Variants in ZNF587 observed in about 807,000 individuals in gnomAD.
The protein encoded by ZNF587 is zinc finger protein 587, also known as zinc finger protein zfp6.
In ZNF587, 8 loss-of-function variants were observed where a neutral mutation model predicts 7.5. The ratio of observed to expected loss-of-function variants is 1.06; its 90% CI spans 0.62 to 1.92. The LOEUF is 1.92. Ranked by LOEUF, ZNF587 falls within the 40% of genes most tolerant of loss-of-function variation. The pLI, the probability that ZNF587 is intolerant of heterozygous loss-of-function variation, is 0.00. For missense variants in ZNF587, 468 were observed against 692.8 expected, an observed-to-expected ratio of 0.68 and a Z score of 3.64; for synonymous variants, 145 against 237.8, an observed-to-expected ratio of 0.61 and a Z score of 3.59.
rs1352818906 is a variant in ZNF587 at position 57,863,982 on chromosome 19, G to A, written c.*3842G>A. On this transcript the variant is annotated 3_prime_UTR_variant, in exon 3 of 3. Transcript: ENST00000339656. ...CGGTTGAACCTGGGAGGTGGAAGGT[G>A]CACTGAGCCAATATCACACCAGTGC... 2.7e-5 allele frequency: 4 copies of A among 146,810 alleles called. No homozygotes were observed. In the Admixed American group the frequency reaches 2.8e-4, roughly 10 times the overall value. The allele number at this position is 146,810 out of a possible 1,614,324, so 9.1% of individuals were successfully genotyped here.
rs779460394 is a variant in ZNF587, at chr19:57,860,285, T to C, written c.*145T>C. The C allele has an allele frequency of 2.0e-6, 3 of 1,483,532 alleles. 1 individual carries two copies. Among genetic ancestry groups the C allele is most frequent in the Middle Eastern group, 3.6e-4 (2 of 5,626 alleles). The allele number at this position is 1,483,532 out of a possible 1,614,324, so 91.9% of individuals were successfully genotyped here. A position where few individuals can be genotyped will look rare whatever the true frequency, so the allele number is the denominator to read the frequency against. ...GTCCTCGGTCTTAAGCGACTTCGTG[T>C]TGAGATGGAGTCTTGTTCTGTCACC... On this transcript the variant is annotated 3_prime_UTR_variant, in exon 3 of 3. Transcript: ENST00000339656.
Position 57,856,028 on chromosome 19 carries a change from G to A in ZNF587, c.34-76G>A, listed in dbSNP as rs112630321. ...GGACCTTGGGAGGAGGATGGGCAAGGGTGGGTGTGTGGGAGAGGTGGGTTG... is the reference window on the plus strand; with the variant it reads ...GGACCTTGGGAGGAGGATGGGCAAGAGTGGGTGTGTGGGAGAGGTGGGTTG... On this transcript the variant is annotated intron_variant, in intron 1 of 2. Transcript: ENST00000339656. 984 of 1,591,950 alleles carry A rather than the reference G, an allele frequency of 6.2e-4. 4 individuals carry two copies. In the East Asian group the frequency reaches 0.012, roughly 19 times the overall value.
In ZNF587 at chr19:57,864,999, A is replaced by C. The variant is rs762167674; in HGVS notation, c.*4859A>C. ...ATAAGCAAAAGTTTCAGTACTAAGC[A>C]ATTTTAGTCTCTGCAGTCTCTTGTC... On this transcript the variant is annotated 3_prime_UTR_variant, in exon 3 of 3. Transcript: ENST00000339656. 6.6e-6 allele frequency: 1 copy of C among 152,250 alleles called. No individual in the cohort carries two copies. The highest frequency in any genetic ancestry group is 1.5e-5 in the Non-Finnish European group (1 of 68,052). The allele number at this position is 152,250 out of a possible 1,614,324, so 9.4% of individuals were successfully genotyped here. A position where few individuals can be genotyped will look rare whatever the true frequency, so the allele number is the denominator to read the frequency against.
rs1234951776 is a variant in ZNF587, at chr19:57,859,779, G to C, written c.1367G>C (p.Arg456Thr). The change falls in exon 3 of 3, where the codon AGA becomes ACA. Residue 456 changes from arginine to threonine, a missense_variant. Transcript: ENST00000339656. ...NRKYHLLVHE[R>T]VHTGERPYAC... ...AAGTATCATCTTCTGGTTCATGAGA[G>C]AGTTCACACTGGAGAAAGGCCATAT... 2 of 1,613,970 alleles carry C rather than the reference G, an allele frequency of 1.2e-6. No homozygotes were observed. Among genetic ancestry groups the C allele is most frequent in the Non-Finnish European group, 1.7e-6 (2 of 1,179,976 alleles).
rs1555775619 is a variant in ZNF587, at chr19:57,861,768, G to GTTTTTTTTTTTTTTTTTTTTTT, written c.*1632_*1633insTTTTTTTTTTTTTTTTTTTTTT. On this transcript the variant is annotated 3_prime_UTR_variant, in exon 3 of 3. Coordinates refer to ENST00000339656, the MANE Select transcript of ZNF587 (RefSeq NM_032828.4). ...GTCACTTTGCTGCAAGGAATATTTG[G>GTTTTTTTTTTTTTTTTTTTTTT]TTTTCTTTTTTTTTTTTTTTTCCAG... 3.3e-5 allele frequency: 3 copies of GTTTTTTTTTTTTTTTTTTTTTT among 90,764 alleles called. No individual in the cohort carries two copies. Among genetic ancestry groups the GTTTTTTTTTTTTTTTTTTTTTT allele is most frequent in the African/African-American group, 1.4e-4 (3 of 20,914 alleles). The allele number at this position is 90,764 out of a possible 1,614,324, so 5.6% of individuals were successfully genotyped here.
chr19:57,857,713 T>C (rs1221930494), intron 2 of ZNF587, among the ~76,000 whole-genome samples: 1 of 151,830 alleles, frequency 6.6e-6, no homozygotes, highest in Non-Finnish European at 1.5e-5. Flanking sequence ...CGGCTCAGTG[T>C]AACCTCTGCC....
At chr19:57,852,215 A>G (rs1310256743) in intron 1 of ZNF587, 4 of 336,086 alleles carry the variant, frequency 1.2e-5, no homozygotes, top group Admixed American at 6.3e-5. Flanking sequence ...ATGACAGGTT[A>G]TATGGAGGTA....
At position 57,859,904 on chromosome 19, in the gene ZNF587, G is replaced by A. The variant is rs1280895103; in HGVS notation, c.1492G>A (p.Gly498Arg). 6.2e-7 allele frequency: 1 copy of A among 1,614,026 alleles called. No homozygotes were observed. Among genetic ancestry groups the A allele is most frequent in the Non-Finnish European group, 8.5e-7 (1 of 1,180,018 alleles). The change falls in exon 3 of 3, where the codon GGG becomes AGG. Residue 498 changes from glycine to arginine, a missense_variant. This residue lies in a region of ZNF587 where 310 missense variants were observed against 325.6 expected (regional missense o/e 0.95). Coordinates refer to ENST00000339656, the MANE Select transcript of ZNF587 (RefSeq NM_032828.4). ...GERPYECSEC[G>R]KSFLSSSALH... ...AAGGCCGTATGAATGCAGTGAATGT[G>A]GGAAATCATTTCTTTCCAGCTCTGC...
chr19:57,850,158 C>G, intron 1 of ZNF587, 87 bp downstream of exon 1: 1 of 1,611,810 alleles, frequency 6.2e-7, no homozygotes, highest in Non-Finnish European at 8.5e-7. Context: ...GCTCGTGGGT[C>G]TGTAGCCGGT....
At position 57,864,162 on chromosome 19, in the gene ZNF587, C is replaced by G. The variant is rs1364636882; in HGVS notation, c.*4022C>G. On this transcript the variant is annotated 3_prime_UTR_variant, in exon 3 of 3. Coordinates refer to ENST00000339656, the MANE Select transcript of ZNF587 (RefSeq NM_032828.4). ...TTTTTTTTTTTTTTTGAGACAGAGTCTCACTCTGTCACCCAGGCTGAAGTG... is the reference window on the plus strand; with the variant it reads ...TTTTTTTTTTTTTTTGAGACAGAGTGTCACTCTGTCACCCAGGCTGAAGTG... 2.6e-5 allele frequency: 3 copies of G among 117,618 alleles called. No homozygotes were observed. The highest frequency in any genetic ancestry group is 5.8e-4 in the South Asian group (2 of 3,444). 7.3% of individuals were successfully genotyped at this position (117,618 alleles called of 1,614,324 possible).
At chr19:57,851,072 A>G (rs1435805426) in intron 1 of ZNF587, 1 of 152,216 alleles carries the variant, frequency 6.6e-6, no homozygotes, top group Non-Finnish European at 1.5e-5. Context: ...CATGAAGGCA[A>G]TAAGGAGACT....
At chr19:57,852,376 C>T in intron 1 of ZNF587, 1 of 398,624 alleles carries the variant, frequency 2.5e-6, no homozygotes, top group Non-Finnish European at 4.4e-6. Flanking sequence ...CTGGCTGGAC[C>T]TTGTTGCATA....
chr19:57,853,231 AG>A (rs1402270358), intron 1 of ZNF587, among the ~76,000 whole-genome samples: 1 of 152,230 alleles, frequency 6.6e-6, no homozygotes, highest in Non-Finnish European at 1.5e-5. Flanking sequence ...TGATCTTAGC[AG>A]CTGTAACCAT....
At chr19:57,855,419 G>A (rs777062481) in intron 1 of ZNF587, among the ~76,000 whole-genome samples, 1 of 152,108 alleles carries the variant, frequency 6.6e-6, no homozygotes, top group Non-Finnish European at 1.5e-5. Flanking sequence ...AAACTCTGGT[G>A]GGGGTGGCCA....
rs2071401580 is a variant in ZNF587, at chr19:57,858,993, A to G, written c.581A>G (p.Lys194Arg). The G allele has an allele frequency of 6.2e-7, 1 of 1,612,676 alleles. No individual in the cohort carries two copies. Among genetic ancestry groups the G allele is most frequent in the Non-Finnish European group, 8.5e-7 (1 of 1,179,620 alleles). The change falls in exon 3 of 3, where the codon AAG (lysine) becomes AGG (arginine). Residue 194 changes from lysine (K) to arginine (R), a missense_variant. Transcript: ENST00000339656. ...GLCQEEAAVE[K>R]TDSETMHGPP... ...TGCCAAGAAGAAGCTGCTGTAGAGAAGACAGACAGTGAAACTATGCATGGC... is the reference window on the plus strand; with the variant it reads ...TGCCAAGAAGAAGCTGCTGTAGAGAGGACAGACAGTGAAACTATGCATGGC...
rs774913102 is a variant in ZNF587, at chr19:57,856,131, G to A, written c.61G>A (p.Ala21Thr). Reference sequence around the variant, plus strand: ...GGGCACTGTGACCTTTGAAGATGTGGCTGTGAACTTTTCCCAGGAGGAGTG... The same window carrying A: ...GGGCACTGTGACCTTTGAAGATGTGACTGTGAACTTTTCCCAGGAGGAGTG... ...QQGTVTFEDVAVNFSQEEWCL... is the reference protein window; with the variant it reads ...QQGTVTFEDVTVNFSQEEWCL... Residue 21 changes from alanine to threonine, a missense_variant, in exon 2 of 3, where the codon GCT (alanine) becomes ACT (threonine). This residue lies in a region of ZNF587 where 92 missense variants were observed against 89.7 expected (regional missense o/e 1.03). Transcript: ENST00000339656. 8 of 1,613,098 alleles carry A rather than the reference G, an allele frequency of 5.0e-6. No homozygotes were observed. Among genetic ancestry groups the A allele is most frequent in the Non-Finnish European group, 6.8e-6 (8 of 1,179,700 alleles).
At chr19:57,857,319 ATT>A (rs1413981696) in intron 2 of ZNF587, 2 of 151,984 alleles carry the variant, frequency 1.3e-5, no homozygotes, top group South Asian at 4.1e-4. Context: ...GGCACACACT[ATT>A]TGTCTTTTTC....
Position 57,860,202 on chromosome 19 carries a change from C to G in ZNF587, c.*62C>G. On this transcript the variant is annotated 3_prime_UTR_variant, in exon 3 of 3. Transcript: ENST00000339656. ...CCGTCTCGTTAAACACAGGAGAGTTCATACTGGAGAAAGGCCTTATGAGTG... is the reference window on the plus strand; with the variant it reads ...CCGTCTCGTTAAACACAGGAGAGTTGATACTGGAGAAAGGCCTTATGAGTG... 6.2e-7 allele frequency: 1 copy of G among 1,613,138 alleles called. No individual in the cohort carries two copies. The highest frequency in any genetic ancestry group is 8.5e-7 in the Non-Finnish European group (1 of 1,179,326).
chr19:57,858,361 A>T, intron 2 of ZNF587: 1 of 867,314 alleles, frequency 1.2e-6, no homozygotes, highest in South Asian at 1.9e-5. Flanking sequence ...TTCTGACCTC[A>T]GGTGATCCAC....
Sources: gnomAD v4.1 joint callset for allele counts (sites outside exome capture counted in the v4.1 genomes callset) on GRCh38, gnomAD v4.1.1 for gene constraint, gnomAD v4.1.1 regional missense constraint, MANE v1.5 for transcripts, NCBI Gene and HGNC (gene_info 2026-07-23, HGNC 2026-07-21) for gene names.